PRKG1: variants seen among roughly 807,000 people sequenced by gnomAD.
PRKG1 encodes the protein cGMP-dependent protein kinase 1.
PRKG1 carries 35 observed loss-of-function variants against 88.1 expected under a neutral mutation model. The ratio of observed to expected loss-of-function variants is 0.40; its 90% CI spans 0.30 to 0.53. The LOEUF (loss-of-function observed/expected upper bound fraction) is 0.53, where lower values mean the gene tolerates loss of function less well. PRKG1 is among the 20% of genes least tolerant of loss of function. The pLI, the probability that PRKG1 is intolerant of heterozygous loss-of-function variation, is 0.59. For missense variants in PRKG1, 540 were observed against 839.8 expected, an observed-to-expected ratio of 0.64 and a Z score of 4.41; for synonymous variants, 303 against 292.5, an observed-to-expected ratio of 1.04 and a Z score of -0.37.
intron 3 of PRKG1, among the ~76,000 whole-genome samples, chr10:51,670,626 C>T (rs1198082983): frequency 1.9e-4 from 28 of 148,130 alleles, no homozygotes; most frequent in Admixed American, 1.9e-3. Context: ...GTCCCAGCTA[C>T]TTGGGAGGCT....
In PRKG1 at chr10:51,139,708, C is replaced by T. The variant is rs867377367; in HGVS notation, c.312-13456C>T. Among the ~76,000 whole-genome samples the T allele has an allele frequency of 3.3e-5, 5 of 152,220 alleles. No individual in the cohort carries two copies. In the South Asian group the frequency reaches 1.0e-3, roughly 32 times the overall value. ...TCAAGTTAGTCTCACTTCTATTCCT[C>T]TCTGCTGTCACCATCCTAATCTAGG... On this transcript the variant is annotated intron_variant, in intron 1 of 17. Coordinates refer to ENST00000373980, the MANE Select transcript of PRKG1 (RefSeq NM_006258.4).
In PRKG1 at chr10:51,835,718, G is replaced by A. The variant is rs115889713; in HGVS notation, c.698+31028G>A. Among the ~76,000 whole-genome samples, 555 of 152,244 alleles carry A rather than the reference G, an allele frequency of 3.6e-3. 1 individual carries two copies. The highest frequency in any genetic ancestry group is 0.011 in the African/African-American group (467 of 41,562). Reference sequence around the variant, plus strand: ...TGGGAGTGCAGACATACATCTATTTGTCATATGAATTTCAATTCCTTTGGA... The same window carrying A: ...TGGGAGTGCAGACATACATCTATTTATCATATGAATTTCAATTCCTTTGGA... On this transcript the variant is annotated intron_variant, in intron 4 of 17. Coordinates refer to ENST00000373980, the MANE Select transcript of PRKG1 (RefSeq NM_006258.4).
intron 5 of PRKG1, among the ~76,000 whole-genome samples, chr10:51,916,434 T>A (rs543141963): frequency 6.6e-6 from 1 of 152,312 alleles, no homozygotes; most frequent in South Asian, 2.1e-4. Flanking sequence ...ACCCCTTGCT[T>A]AGCATATAAT....
intron 2 of PRKG1, among the ~76,000 whole-genome samples, chr10:51,258,127 C>G (rs1232766588): frequency 6.6e-6 from 1 of 152,116 alleles, no homozygotes; most frequent in Non-Finnish European, 1.5e-5. Context: ...GGGTCCATTT[C>G]TTGATATGTG....
chr10:51,183,740 A>G (rs1051866447), intron 2 of PRKG1, among the ~76,000 whole-genome samples: 3 of 152,154 alleles, frequency 2.0e-5, no homozygotes, highest in African/African-American at 7.2e-5. Context: ...TGTCTTTTAA[A>G]TATGTATAAA....
chr10:52,254,597 A>G (rs545715893), intron 10 of PRKG1, among the ~76,000 whole-genome samples: 1 of 152,014 alleles, frequency 6.6e-6, no homozygotes, highest in Non-Finnish European at 1.5e-5. Flanking sequence ...GTTAGAGTGA[A>G]GTTAAGAATG....
At chr10:51,181,279 G>A (rs1001781825) in intron 2 of PRKG1, among the ~76,000 whole-genome samples, 19 of 117,938 alleles carry the variant, frequency 1.6e-4, no homozygotes, top group Non-Finnish European at 2.6e-4. Flanking sequence ...CTGTCGCCCA[G>A]GCCGGGCTGC....
At chr10:51,375,989 C>G (rs917761325) in intron 2 of PRKG1, among the ~76,000 whole-genome samples, 1 of 152,178 alleles carries the variant, frequency 6.6e-6, no homozygotes, top group African/African-American at 2.4e-5. Flanking sequence ...GATAGCTCTT[C>G]CATGTATGCA....
intron 2 of PRKG1, among the ~76,000 whole-genome samples, chr10:51,259,998 G>A (rs979265308): frequency 1.3e-5 from 2 of 152,146 alleles, no homozygotes; most frequent in Admixed American, 6.5e-5. Flanking sequence ...GTACATTGGT[G>A]TTTTTCTATA....
intron 2 of PRKG1, among the ~76,000 whole-genome samples, chr10:51,185,488 TA>T (rs1837462078): frequency 6.6e-6 from 1 of 152,114 alleles, no homozygotes; most frequent in Admixed American, 6.6e-5. Flanking sequence ...TTTTAAATTA[TA>T]AAAGAAAGGT....
intron 5 of PRKG1, among the ~76,000 whole-genome samples, chr10:51,933,783 C>T (rs1175214078): frequency 6.6e-6 from 1 of 151,962 alleles, no homozygotes; most frequent in Non-Finnish European, 1.5e-5. Context: ...TGCTTAATAA[C>T]TTTTAGCTAC....
intron 9 of PRKG1, among the ~76,000 whole-genome samples, chr10:52,173,564 G>T (rs1301890116): frequency 2.6e-5 from 4 of 152,138 alleles, no homozygotes; most frequent in Non-Finnish European, 2.9e-5. Context: ...CTTGCTATTT[G>T]AGGAAGATGA....
intron 9 of PRKG1, among the ~76,000 whole-genome samples, chr10:52,200,206 G>T (rs1408692551): frequency 1.3e-5 from 2 of 151,872 alleles, no homozygotes; most frequent in Non-Finnish European, 2.9e-5. Context: ...CCTCACCCTC[G>T]TCCCACCCTC....
chr10:52,212,477 G>T (rs1473487443), intron 9 of PRKG1, among the ~76,000 whole-genome samples: 1 of 152,026 alleles, frequency 6.6e-6, no homozygotes, highest in East Asian at 1.9e-4. Flanking sequence ...ACACCTCCAA[G>T]AAGAGAATTT....
intron 3 of PRKG1, among the ~76,000 whole-genome samples, chr10:51,680,242 C>G (rs1257766814): frequency 1.3e-5 from 2 of 151,842 alleles, no homozygotes; most frequent in African/African-American, 2.4e-5. Context: ...ACATATGTAA[C>G]TAACCTGCAC....
chr10:51,572,468 G>A (rs1837781454), intron 3 of PRKG1, among the ~76,000 whole-genome samples: 1 of 151,848 alleles, frequency 6.6e-6, no homozygotes, highest in African/African-American at 2.4e-5. Flanking sequence ...GAATTATGAA[G>A]TGTTTAATGC....
intron 4 of PRKG1, among the ~76,000 whole-genome samples, chr10:51,871,876 G>A (rs1046037241): frequency 3.3e-5 from 5 of 152,100 alleles, no homozygotes; most frequent in African/African-American, 9.7e-5. Flanking sequence ...CAGTTGCCTC[G>A]GAGCATCCCT....
chr10:51,511,806 A>G (rs548187269), intron 3 of PRKG1, among the ~76,000 whole-genome samples: 8 of 152,310 alleles, frequency 5.3e-5, no homozygotes, highest in African/African-American at 1.9e-4. Flanking sequence ...AGAAATGCAT[A>G]TAGGTAGCAA....
At chr10:51,926,712 T>TA (rs1842585458) in intron 5 of PRKG1, among the ~76,000 whole-genome samples, 1 of 151,758 alleles carries the variant, frequency 6.6e-6, no homozygotes, top group South Asian at 2.1e-4. Context: ...TTTCCATAGT[T>TA]ACGGCTTATT....
Sources: gnomAD v4.1 joint callset for allele counts (sites outside exome capture counted in the v4.1 genomes callset) on GRCh38, gnomAD v4.1.1 for gene constraint, MANE v1.5 for transcripts, NCBI Gene and HGNC (gene_info 2026-07-23, HGNC 2026-07-21) for gene names.